ANKS6: variants seen among roughly 807,000 people sequenced by gnomAD.
The protein encoded by ANKS6 is ankyrin repeat and sterile alpha motif domain containing 6.
ANKS6 carries 47 observed loss-of-function variants against 77.9 expected under a neutral mutation model. The observed-to-expected ratio is 0.60, with a 90% confidence interval of 0.48 to 0.77. The LOEUF is 0.77. ANKS6 is among the 30% of genes least tolerant of loss of function. The pLI is 0.00. For missense variants in ANKS6, 1,150 were observed against 1,159.1 expected, an observed-to-expected ratio of 0.99 and a Z score of 0.11; for synonymous variants, 488 against 501.7, an observed-to-expected ratio of 0.97 and a Z score of 0.37.
Position 98,778,287 on chromosome 9 carries a change from G to T in ANKS6, c.1506C>A (p.Ala502=). The change falls in exon 7 of 15, where the codon GCC becomes GCA. Residue 502 remains alanine (A), a synonymous_variant. Transcript: ENST00000353234. ...EPALDSTMRA[A]PQDKTSRSAL... ...CAGAGCGGCTTGTCTTGTCCTGGGGGGCAGCCCTCATTGTGGAGTCCAGAG... is the reference window on the plus strand; with the variant it reads ...CAGAGCGGCTTGTCTTGTCCTGGGGTGCAGCCCTCATTGTGGAGTCCAGAG... The T allele has an allele frequency of 6.2e-7, 1 of 1,614,164 alleles. No homozygotes were observed. Among genetic ancestry groups the T allele is most frequent in the East Asian group, 2.2e-5 (1 of 44,876 alleles).
At chr9:98,771,927 T>A (rs982914510) in intron 9 of ANKS6, among the ~76,000 whole-genome samples, 1 of 152,164 alleles carries the variant, frequency 6.6e-6, no homozygotes, top group African/African-American at 2.4e-5. Flanking sequence ...CGGTTGCCTG[T>A]GTGTATGATG....
chr9:98,736,301 C>T lies in ANKS6; in HGVS notation c.*218G>A, dbSNP rs1254772625. On this transcript the variant is annotated 3_prime_UTR_variant, in exon 15 of 15. Transcript: ENST00000353234. ...ACCAACCTGCCAAGCAGAAGCACCC[C>T]CACTGGACTGTTACATGGGAATCTG... 5 of 1,389,508 alleles carry T rather than the reference C, an allele frequency of 3.6e-6. No individual in the cohort carries two copies. The highest frequency in any genetic ancestry group is 3.2e-5 in the Admixed American group (1 of 31,364). 86.1% of individuals were successfully genotyped at this position (1,389,508 alleles called of 1,614,324 possible).
chr9:98,773,743 A>G, intron 9 of ANKS6, 134 bp downstream of exon 9: 1 of 665,242 alleles, frequency 1.5e-6, no homozygotes, highest in Non-Finnish European at 2.3e-6. Context: ...AGACAAAAGG[A>G]TATCATCCAT....
rs1396046742 is a variant in ANKS6, at chr9:98,768,139, C to A, written c.2084G>T (p.Gly695Val). The A allele has an allele frequency of 3.7e-6, 6 of 1,613,590 alleles. No individual in the cohort carries two copies. Among genetic ancestry groups the A allele is most frequent in the South Asian group, 1.1e-5 (1 of 91,000 alleles). ...GGCTGGAAGCTCAGACGGGCTGGAC[C>A]CCGGTGCTGGCCCCACAGGGCTTGA... ...HRSSPVGPAP[G>V]SSPSELPASP... is the part of the protein sequence containing the mutation. The change falls in exon 11 of 15, where the codon GGG becomes GTG. Residue 695 changes from glycine to valine, a missense_variant. By Grantham distance (109) the Gly-to-Val change is moderately radical (BLOSUM62 -3). Coordinates refer to ENST00000353234, the MANE Select transcript of ANKS6 (RefSeq NM_173551.5).
At chr9:98,753,826 T>C (rs926953497) in intron 12 of ANKS6, among the ~76,000 whole-genome samples, 4 of 152,300 alleles carry the variant, frequency 2.6e-5, no homozygotes, top group South Asian at 2.1e-4. Flanking sequence ...TAATAAAATA[T>C]ACAAAAATGA....
intron 5 of ANKS6, 21 bp from the exon 6 acceptor site, chr9:98,780,358 A>T (rs1344624405): frequency 6.4e-7 from 1 of 1,562,886 alleles, no homozygotes; most frequent in East Asian, 2.3e-5. Context: ...AAAAGGCATC[A>T]TTTTACCTGC....
chr9:98,753,804 CAAGA>C (rs1016385809), intron 12 of ANKS6, among the ~76,000 whole-genome samples: 6 of 152,100 alleles, frequency 3.9e-5, no homozygotes, highest in African/African-American at 1.4e-4. Flanking sequence ...TACACAACCT[CAAGA>C]GCACAGATAA....
At position 98,790,108 on chromosome 9, in the gene ANKS6, T is replaced by C; in HGVS notation, c.858A>G (p.Lys286=). ...YLDPLTTVRP[K]TDEEKRRPDI... ...ACGGGGGGCATGCAGCCTGACCTGT[T>C]TTGGGCCTGACGGTGGTCAGCGGGT... Residue 286 remains lysine, a synonymous_variant, in exon 2 of 15, where the codon AAA becomes AAG. Coordinates refer to ENST00000353234, the MANE Select transcript of ANKS6 (RefSeq NM_173551.5). 6.4e-7 allele frequency: 1 copy of C among 1,559,050 alleles called. No individual in the cohort carries two copies.
At chr9:98,784,300 G>A in intron 3 of ANKS6, 143 bp from the exon 4 acceptor site, 1 of 677,394 alleles carries the variant, frequency 1.5e-6, no homozygotes. Context: ...TACTAAGAGG[G>A]CGTCAGAGAT....
intron 12 of ANKS6, among the ~76,000 whole-genome samples, chr9:98,752,838 G>C (rs574672394): frequency 8.1e-4 from 124 of 152,300 alleles, no homozygotes; most frequent in African/African-American, 3.0e-3. Flanking sequence ...AACAACAGGG[G>C]GATGTGGGGA....
At chr9:98,772,078 C>G (rs1458229754) in intron 9 of ANKS6, among the ~76,000 whole-genome samples, 1 of 152,160 alleles carries the variant, frequency 6.6e-6, no homozygotes, top group Non-Finnish European at 1.5e-5. Context: ...CAAAAAGATA[C>G]ACAGTGTCCT....
At chr9:98,768,326 T>G in intron 10 of ANKS6, 76 bp from the exon 11 acceptor site, 1 of 1,564,470 alleles carries the variant, frequency 6.4e-7, no homozygotes. Context: ...GACTGTCGTG[T>G]GATGATTGGG....
At chr9:98,755,551 A>C (rs1434639279) in intron 12 of ANKS6, among the ~76,000 whole-genome samples, 3 of 152,224 alleles carry the variant, frequency 2.0e-5, no homozygotes, top group Non-Finnish European at 4.4e-5. Context: ...TTCACAAGGC[A>C]GGTTCCAAGG....
At chr9:98,771,990 T>C (rs1312390039) in intron 9 of ANKS6, among the ~76,000 whole-genome samples, 6 of 152,196 alleles carry the variant, frequency 3.9e-5, no homozygotes, top group African/African-American at 7.2e-5. Context: ...ATATGCCTAG[T>C]ACCCAGCTCT....
chr9:98,768,590 C>A (rs992642162), intron 10 of ANKS6, among the ~76,000 whole-genome samples: 1 of 152,214 alleles, frequency 6.6e-6, no homozygotes, highest in Non-Finnish European at 1.5e-5. Context: ...CCCACAGAAG[C>A]CCCTCTGCAG....
At chr9:98,739,431 C>A (rs1454573069) in intron 14 of ANKS6, among the ~76,000 whole-genome samples, 2 of 152,104 alleles carry the variant, frequency 1.3e-5, no homozygotes, top group Non-Finnish European at 2.9e-5. Context: ...CAGAGCGAGA[C>A]CCTGTCACAG....
intron 1 of ANKS6, 115 bp downstream of exon 1, chr9:98,796,018 A>G: frequency 9.6e-7 from 1 of 1,038,420 alleles, no homozygotes; most frequent in Non-Finnish European, 1.2e-6. Flanking sequence ...TACCATTCCA[A>G]CTCTAAGGAG....
At chr9:98,776,074 G>A (rs139489808) in intron 8 of ANKS6, among the ~76,000 whole-genome samples, 167 of 152,284 alleles carry the variant, frequency 1.1e-3, no homozygotes, top group Middle Eastern at 0.01. Context: ...AGGGACTCAA[G>A]TCCAACTTTA....
chr9:98,783,356 A>G (rs1834387592), intron 4 of ANKS6, among the ~76,000 whole-genome samples: 1 of 152,202 alleles, frequency 6.6e-6, no homozygotes, highest in Admixed American at 6.5e-5. Flanking sequence ...ATCACCTAAA[A>G]GAGGGCAAGG....
Sources: allele counts gnomAD v4.1 joint callset (sites outside exome capture counted in the v4.1 genomes callset), GRCh38; gene constraint gnomAD v4.1.1; transcripts MANE v1.5; gene names NCBI Gene and HGNC (gene_info 2026-07-23, HGNC 2026-07-21).